Variants in LIMK1 observed in about 807,000 individuals in gnomAD.
LIMK1 encodes the protein LIM motif-containing protein kinase.
A neutral mutation model predicts 77.6 loss-of-function variants in LIMK1; 21 were observed. That is an observed-to-expected ratio of 0.27 (90% CI 0.19 to 0.39). LIMK1 has a LOEUF of 0.39. Among genes scored for constraint, LIMK1 ranks in the 10% least tolerant of loss-of-function variants. The probability of loss-of-function intolerance (pLI) is 1.00; values close to 1 mark genes in which losing one functional copy is unlikely to be tolerated. For missense variants in LIMK1, 696 were observed against 901.6 expected, an observed-to-expected ratio of 0.77 and a Z score of 2.92; for synonymous variants, 358 against 370.0, an observed-to-expected ratio of 0.97 and a Z score of 0.37.
chr7:74,088,801 CAAA>C (rs145728454), intron 2 of LIMK1, among the ~76,000 whole-genome samples: 3 of 67,064 alleles, frequency 4.5e-5, no homozygotes, highest in African/African-American at 6.5e-5. Context: ...GACTCCATCT[CAAA>C]AAAAAAAAAA....
intron 5 of LIMK1, among the ~76,000 whole-genome samples, chr7:74,102,104 G>A (rs999998439): frequency 7.9e-5 from 12 of 152,156 alleles, no homozygotes; most frequent in East Asian, 1.9e-4. Flanking sequence ...GATTACAAGC[G>A]TGAGCCACTA....
intron 9 of LIMK1, among the ~76,000 whole-genome samples, 157 bp from the exon 10 acceptor site, chr7:74,108,748 G>A (rs1799634478): frequency 1.3e-5 from 2 of 152,014 alleles, no homozygotes; most frequent in African/African-American, 4.8e-5. Context: ...GAGGGCACAG[G>A]ACGCCAGAGG....
Position 74,099,145 on chromosome 7 carries a change from C to A in LIMK1, c.515C>A (p.Ser172Tyr), listed in dbSNP as rs921487642. ...ACCCTGGTGTCCATCCCAGCCTCAT[C>A]TCATGGCAAGCGTGGACTTTCAGTC... Reference protein sequence around the residue: ...TVTLVSIPASSHGKRGLSVSI... With the variant: ...TVTLVSIPASYHGKRGLSVSI... Residue 172 changes from serine (S) to tyrosine (Y), a missense_variant, in exon 5 of 16, where the codon TCT becomes TAT. Physicochemically the swap from Ser to Tyr is moderately radical, Grantham distance 144. Coordinates refer to ENST00000336180, the MANE Select transcript of LIMK1 (RefSeq NM_002314.4). 1 of 1,613,770 alleles carries A rather than the reference C, an allele frequency of 6.2e-7. No individual in the cohort carries two copies. Among genetic ancestry groups the A allele is most frequent in the East Asian group, 2.2e-5 (1 of 44,874 alleles).
At chr7:74,113,247 C>T (rs1442595403) in intron 12 of LIMK1, among the ~76,000 whole-genome samples, 2 of 151,998 alleles carry the variant, frequency 1.3e-5, no homozygotes, top group African/African-American at 4.8e-5. Flanking sequence ...TCACTTGAGC[C>T]TGGGAGGTAG....
chr7:74,105,185 T>C (rs1799542350), intron 5 of LIMK1, among the ~76,000 whole-genome samples: 1 of 152,044 alleles, frequency 6.6e-6, no homozygotes, highest in South Asian at 2.1e-4. Context: ...AACTCCTGAC[T>C]TCAAGTAATC....
At chr7:74,115,666 C>A in intron 12 of LIMK1, 136 bp from the exon 13 acceptor site, 1 of 949,502 alleles carries the variant, frequency 1.1e-6, no homozygotes, top group Non-Finnish European at 1.5e-6. Context: ...AAGGGGTCCC[C>A]ACCCTGTGCC....
Position 74,122,175 on chromosome 7 carries a change from C to G in LIMK1, c.*874C>G, listed in dbSNP as rs1387572961. 2 of 152,714 alleles carry G rather than the reference C, an allele frequency of 1.3e-5. No individual in the cohort carries two copies. Among genetic ancestry groups the G allele is most frequent in the East Asian group, 1.9e-4 (1 of 5,182 alleles). The allele number at this position is 152,714 out of a possible 1,614,324, so 9.5% of individuals were successfully genotyped here. On this transcript the variant is annotated 3_prime_UTR_variant, in exon 16 of 16. Transcript: ENST00000336180. ...TCTCCCCCAAGGCTCCCTGCCCCTC[C>G]TCATGCCCCTCTGTCCTCTGCGTTT...
chr7:74,118,384 A>T (rs551171677), intron 13 of LIMK1, among the ~76,000 whole-genome samples: 34 of 85,812 alleles, frequency 4.0e-4, no homozygotes, highest in South Asian at 3.9e-3. Context: ...TCAAACACAC[A>T]CACACACACA....
At chr7:74,085,952 C>A in intron 2 of LIMK1, 108 bp downstream of exon 2, 1 of 754,510 alleles carries the variant, frequency 1.3e-6, no homozygotes. Flanking sequence ...GTGCCGTCCC[C>A]TATTGTGACT....
chr7:74,094,818 C>T (rs1166251336), intron 2 of LIMK1, among the ~76,000 whole-genome samples: 1 of 151,902 alleles, frequency 6.6e-6, no homozygotes, highest in Admixed American at 6.6e-5. Flanking sequence ...CGTCTCCTGC[C>T]GCCCCTGCCA....
intron 11 of LIMK1, 100 bp downstream of exon 11, chr7:74,111,807 G>T: frequency 7.0e-7 from 1 of 1,435,902 alleles, no homozygotes. Context: ...GGGGTCGATG[G>T]GAGAGTGGGA....
rs967543333 is a variant in LIMK1 at position 74,122,131 on chromosome 7, C to T, written c.*830C>T. The T allele has an allele frequency of 7.2e-5, 11 of 152,754 alleles. No homozygotes were observed. The highest frequency in any genetic ancestry group is 2.6e-4 in the Admixed American group (4 of 15,276). The allele number at this position is 152,754 out of a possible 1,614,324, so 9.5% of individuals were successfully genotyped here. ...AGCAGCTCAGCCCCTGCAGTCATCT[C>T]AGAGCCCCTTCCCGGGCCTCTCCCC... is the stretch of plus-strand genomic sequence containing the variant. On this transcript the variant is annotated 3_prime_UTR_variant, in exon 16 of 16. Transcript: ENST00000336180.
rs1323358018 is a variant in LIMK1, at chr7:74,085,815, G to A, written c.123G>A (p.Leu41=). 1.9e-6 allele frequency: 3 copies of A among 1,560,882 alleles called. No homozygotes were observed. Among genetic ancestry groups the A allele is most frequent in the African/African-American group, 2.7e-5 (2 of 73,684 alleles). The part of the protein sequence containing the change: ...RIYDGQYLQA[L]NADWHADCFR... ...ATGATGGCCAGTACCTCCAGGCCCT[G>A]AACGCGGACTGGCACGCAGACTGCT... The change falls in exon 2 of 16, where the codon CTG becomes CTA. Residue 41 remains leucine, a synonymous_variant. Coordinates refer to ENST00000336180, the MANE Select transcript of LIMK1 (RefSeq NM_002314.4).
intron 2 of LIMK1, among the ~76,000 whole-genome samples, chr7:74,093,528 T>C (rs1799278740): frequency 6.6e-6 from 1 of 152,176 alleles, no homozygotes; most frequent in African/African-American, 2.4e-5. Context: ...TCACACCTGG[T>C]GGCCAGGGAT....
At chr7:74,115,432 AC>A (rs1254186927) in intron 12 of LIMK1, 11 of 202,036 alleles carry the variant, frequency 5.4e-5, no homozygotes, top group Non-Finnish European at 7.1e-5. Flanking sequence ...GAAAAAAAAA[AC>A]AAAAGAATTC....
chr7:74,120,526 TTGGCATCCC>T (rs1212899566), intron 13 of LIMK1, 48 bp from the exon 14 acceptor site: 20 of 1,595,564 alleles, frequency 1.3e-5, no homozygotes, highest in Non-Finnish European at 1.6e-5. Context: ...CCCCTGCCTT[TTGGCATCCC>T]TGGCACCCCC....
intron 12 of LIMK1, among the ~76,000 whole-genome samples, chr7:74,112,935 C>T (rs1477515372): frequency 2.0e-5 from 3 of 152,144 alleles, no homozygotes; most frequent in Non-Finnish European, 4.4e-5. Flanking sequence ...CCACCAAAAG[C>T]ACAGGAGCGA....
intron 5 of LIMK1, among the ~76,000 whole-genome samples, chr7:74,105,246 G>A (rs1466751675): frequency 4.6e-5 from 7 of 152,140 alleles, no homozygotes; most frequent in East Asian, 1.9e-4. Context: ...GAGCCACTGC[G>A]CCCGGCCAGT....
Position 74,121,479 on chromosome 7 carries a change from GC to G in LIMK1, c.*181del. 1.7e-6 allele frequency: 1 copy of G among 589,208 alleles called. No homozygotes were observed. Among genetic ancestry groups the G allele is most frequent in the Non-Finnish European group, 2.9e-6 (1 of 350,358 alleles). The allele number at this position is 589,208 out of a possible 1,614,324, so 36.5% of individuals were successfully genotyped here. A position where few individuals can be genotyped will look rare whatever the true frequency, so the allele number is the denominator to read the frequency against. ...CTTCCCCTGCCTTCTCTCTGCCGTG[GC>G]CCAGAGCCGGCCCAGCTGCACACAC... is the stretch of plus-strand genomic sequence containing the variant. On this transcript the variant is annotated 3_prime_UTR_variant, in exon 16 of 16. Coordinates refer to ENST00000336180, the MANE Select transcript of LIMK1 (RefSeq NM_002314.4).
Sources: allele counts gnomAD v4.1 joint callset (sites outside exome capture counted in the v4.1 genomes callset), GRCh38; gene constraint gnomAD v4.1.1; transcripts MANE v1.5; gene names NCBI Gene and HGNC (gene_info 2026-07-23, HGNC 2026-07-21).